RYR3: variants seen among roughly 807,000 people sequenced by gnomAD.
RYR3 encodes the protein ryanodine receptor 3, also known as brain ryanodine receptor-calcium release channel.
Under a neutral mutation model 584.3 loss-of-function variants are expected in RYR3, and 207 were observed. The observed-to-expected ratio is 0.35, with a 90% CI of 0.32 to 0.40. The LOEUF is 0.40. RYR3 is among the 10% of genes least tolerant of loss of function. RYR3 has a pLI of 1.00. For missense variants in RYR3, 5,616 were observed against 6,089.2 expected, an observed-to-expected ratio of 0.92 and a Z score of 2.59; for synonymous variants, 2,416 against 2,248.5, an observed-to-expected ratio of 1.07 and a Z score of -2.11.
chr15:33,767,542 G>A (rs999295029), intron 60 of RYR3, among the ~76,000 whole-genome samples: 8 of 152,108 alleles, frequency 5.3e-5, no homozygotes, highest in Non-Finnish European at 8.8e-5. Context: ...ACATTTAAAG[G>A]TGAGCAGGTT....
chr15:33,654,211 T>A (rs1317535319), intron 32 of RYR3, among the ~76,000 whole-genome samples: 1 of 152,110 alleles, frequency 6.6e-6, no homozygotes, highest in Non-Finnish European at 1.5e-5. Flanking sequence ...TTTATTTTTT[T>A]AAGGAAAAAG....
In RYR3 at chr15:33,649,684, G is replaced by A. The variant is rs908022927; in HGVS notation, c.4142+449G>A. On this transcript the variant is annotated intron_variant, in intron 31 of 103. Transcript: ENST00000634891. ...GAGTTTATAATGGTTGAAAGCATAA[G>A]GAATAAAAGAGACATTGAAACTTCA... is the stretch of plus-strand genomic sequence containing the variant. Among the ~76,000 whole-genome samples, 6 of 152,310 alleles carry A rather than the reference G, an allele frequency of 3.9e-5. No homozygotes were observed. In the East Asian group the frequency reaches 7.7e-4, roughly 20 times the overall value.
chr15:33,626,125 A>ACATGTG (rs1216914513), intron 20 of RYR3, among the ~76,000 whole-genome samples: 1 of 152,176 alleles, frequency 6.6e-6, no homozygotes, highest in Admixed American at 6.5e-5. Context: ...GTAATCAGAA[A>ACATGTG]CATGTGTGTT....
chr15:33,496,734 A>G (rs1443444312), intron 2 of RYR3, among the ~76,000 whole-genome samples: 16 of 152,158 alleles, frequency 1.1e-4, no homozygotes, highest in Non-Finnish European at 2.2e-4. Context: ...CTTCTTGCCC[A>G]TATATGAATA....
In RYR3 at chr15:33,719,393, G is replaced by C. The variant is rs781647850; in HGVS notation, c.6620-3322G>C. Among the ~76,000 whole-genome samples, 250 of 152,310 alleles carry C rather than the reference G, an allele frequency of 1.6e-3. 1 individual carries two copies. The highest frequency in any genetic ancestry group is 2.7e-3 in the Non-Finnish European group (185 of 68,028). On this transcript the variant is annotated intron_variant, in intron 43 of 103. Coordinates refer to ENST00000634891, the MANE Select transcript of RYR3 (RefSeq NM_001036.6). ...TGGTTTTATATCCCACCAACTTCGT[G>C]ATGCCAATCACTGTGGGAAAGGCTA...
At chr15:33,700,452 C>T (rs1426361441) in intron 41 of RYR3, among the ~76,000 whole-genome samples, 3 of 152,216 alleles carry the variant, frequency 2.0e-5, no homozygotes, top group African/African-American at 4.8e-5. Flanking sequence ...TGAAGTTTCA[C>T]GGGTTTTTAT....
intron 38 of RYR3, among the ~76,000 whole-genome samples, chr15:33,681,057 G>A (rs527475702): frequency 5.3e-5 from 8 of 152,292 alleles, no homozygotes; most frequent in African/African-American, 1.9e-4. Context: ...CAAGAGCTCT[G>A]AGCCAGATTC....
At chr15:33,351,327 A>G (rs1160230409) in intron 1 of RYR3, among the ~76,000 whole-genome samples, 2 of 152,248 alleles carry the variant, frequency 1.3e-5, no homozygotes, top group African/African-American at 4.8e-5. Context: ...TTTCTACCAG[A>G]GATACAAGGA....
At position 33,842,023 on chromosome 15, in the gene RYR3, G is replaced by A. The variant is rs772448824; in HGVS notation, c.13197G>A (p.Gln4399=). Residue 4399 remains glutamine, a synonymous_variant, in exon 91 of 104, where the codon CAG becomes CAA. Coordinates refer to ENST00000634891, the MANE Select transcript of RYR3 (RefSeq NM_001036.6). ...ANFFKGLEIY[Q]TKLLHYLARN... ...TCTTTAAAGGGCTGGAAATCTATCA[G>A]ACCAAGTTACTGGTAAGCATTCCAA... The A allele has an allele frequency of 3.1e-6, 5 of 1,599,932 alleles. No homozygotes were observed. Among genetic ancestry groups the A allele is most frequent in the Non-Finnish European group, 4.3e-6 (5 of 1,173,040 alleles).
Position 33,623,985 on chromosome 15 carries a change from C to G in RYR3, c.2536C>G (p.Gln846Glu). The change falls in exon 20 of 104, where the codon CAA becomes GAA. Residue 846 changes from glutamine to glutamate, a missense_variant. By Grantham distance (29) the Gln-to-Glu change is conservative (BLOSUM62 2). Around this residue, in one of 9 missense-constraint regions of RYR3, gnomAD observed 1,284 missense variants for 1,344.6 expected, o/e 0.95. Coordinates refer to ENST00000634891, the MANE Select transcript of RYR3 (RefSeq NM_001036.6). ...DLLGTTQFLS[Q>E]ASFIPCPVDT... Reference sequence around the variant, plus strand: ...CTTGGGTACCACCCAGTTCCTCTCCCAAGCCTCTTTCATCCCATGCCCCGT... The same window carrying G: ...CTTGGGTACCACCCAGTTCCTCTCCGAAGCCTCTTTCATCCCATGCCCCGT... The G allele has an allele frequency of 6.2e-7, 1 of 1,613,962 alleles. No individual in the cohort carries two copies. Among genetic ancestry groups the G allele is most frequent in the South Asian group, 1.1e-5 (1 of 91,088 alleles).
intron 32 of RYR3, among the ~76,000 whole-genome samples, chr15:33,653,631 C>A (rs1162153255): frequency 6.6e-6 from 1 of 151,366 alleles, no homozygotes; most frequent in East Asian, 1.9e-4. Context: ...GATCACACCA[C>A]TGCACCCCAG....
chr15:33,334,261 A>C (rs1970698006), intron 1 of RYR3, among the ~76,000 whole-genome samples: 1 of 152,250 alleles, frequency 6.6e-6, no homozygotes, highest in Non-Finnish European at 1.5e-5. Flanking sequence ...TGAAGGCATC[A>C]TGCTACTCAA....
chr15:33,835,507 TCTCA>T (rs2077984291), intron 87 of RYR3, among the ~76,000 whole-genome samples: 1 of 152,098 alleles, frequency 6.6e-6, no homozygotes, highest in South Asian at 2.1e-4. Flanking sequence ...TGCCTCTCCT[TCTCA>T]CTCCCCATCT....
chr15:33,648,365 A>G lies in RYR3; in HGVS notation c.3979-707A>G, dbSNP rs11858520. On this transcript the variant is annotated intron_variant, in intron 30 of 103. Coordinates refer to ENST00000634891, the MANE Select transcript of RYR3 (RefSeq NM_001036.6). ...GACAGACTACAAATAAGAGCCACTTAATTAAGAATGAATCTGCTCAGTTTC... is the reference window on the plus strand; with the variant it reads ...GACAGACTACAAATAAGAGCCACTTGATTAAGAATGAATCTGCTCAGTTTC... Among the ~76,000 whole-genome samples the G allele has an allele frequency of 2.0e-5, 3 of 152,148 alleles. 1 individual carries two copies. In the South Asian group the frequency reaches 6.2e-4, roughly 32 times the overall value.
intron 1 of RYR3, among the ~76,000 whole-genome samples, chr15:33,445,664 AAC>A (rs61585713): frequency 0.095 from 10,006 of 105,822 alleles, 486 homozygotes; most frequent in Middle Eastern, 0.15. Flanking sequence ...TTCCCCCACC[AAC>A]ACACACACAC....
At chr15:33,591,946 C>CA (rs772820361) in intron 16 of RYR3, among the ~76,000 whole-genome samples, 22 of 152,284 alleles carry the variant, frequency 1.4e-4, no homozygotes, top group Admixed American at 7.8e-4. Context: ...ATGCAGCAGC[C>CA]AAACAGTGTT....
chr15:33,419,341 C>G (rs1034082582), intron 1 of RYR3, among the ~76,000 whole-genome samples: 2 of 152,104 alleles, frequency 1.3e-5, no homozygotes, highest in African/African-American at 4.8e-5. Context: ...CAGTCCAGTT[C>G]CTACTTGCAG....
intron 60 of RYR3, among the ~76,000 whole-genome samples, chr15:33,767,614 T>A (rs2073205133): frequency 6.6e-6 from 1 of 152,210 alleles, no homozygotes; most frequent in East Asian, 1.9e-4. Flanking sequence ...ATGGAAGACT[T>A]CTGCCCTGAA....
chr15:33,411,983 TTG>T (rs1381592545), intron 1 of RYR3, among the ~76,000 whole-genome samples: 2 of 152,164 alleles, frequency 1.3e-5, no homozygotes, highest in African/African-American at 4.8e-5. Context: ...AAGAAAGAAT[TTG>T]TCACAGTTGT....
Sources: allele counts gnomAD v4.1 joint callset (sites outside exome capture counted in the v4.1 genomes callset), GRCh38; gene constraint gnomAD v4.1.1; regional missense constraint gnomAD v4.1.1; transcripts MANE v1.5; gene names NCBI Gene and HGNC (gene_info 2026-07-23, HGNC 2026-07-21).